Variants in ANKRD22 observed in about 807,000 individuals in gnomAD.
The protein encoded by ANKRD22 is ankyrin repeat domain-containing protein 22.
A neutral mutation model predicts 25.7 loss-of-function variants in ANKRD22; 24 were observed. The observed-to-expected ratio is 0.93, with a 90% CI of 0.68 to 1.31. ANKRD22 has a LOEUF of 1.31. Among genes scored for constraint, ANKRD22 ranks in the 50% most tolerant of loss-of-function variants. The pLI, the probability that ANKRD22 is intolerant of heterozygous loss-of-function variation, is 0.00. For missense variants in ANKRD22, 214 were observed against 227.1 expected, an observed-to-expected ratio of 0.94 and a Z score of 0.37; for synonymous variants, 84 against 84.3, an observed-to-expected ratio of 1.00 and a Z score of 0.02.
chr10:88,834,571 ATAACT>A (rs972401218), intron 1 of ANKRD22, among the ~76,000 whole-genome samples: 64 of 152,250 alleles, frequency 4.2e-4, no homozygotes, highest in African/African-American at 1.4e-3. Flanking sequence ...AAATATTTAA[ATAACT>A]TAACAACATT....
chr10:88,837,063 G>C (rs752856249), intron 1 of ANKRD22, among the ~76,000 whole-genome samples: 151 of 152,106 alleles, frequency 9.9e-4, no homozygotes, highest in Non-Finnish European at 1.1e-3. Context: ...CTTCAAAGAG[G>C]GGGGTAGCAG....
chr10:88,831,221 T>C (rs1342049433), intron 2 of ANKRD22, among the ~76,000 whole-genome samples: 1 of 152,228 alleles, frequency 6.6e-6, no homozygotes, highest in Non-Finnish European at 1.5e-5. Flanking sequence ...TCCACAAGGA[T>C]TTTCACAGCA....
At position 88,821,760 on chromosome 10, in the gene ANKRD22, A is replaced by C. The variant is rs151017451; in HGVS notation, c.*1181T>G. Among the ~76,000 whole-genome samples, 1 of 152,342 alleles carries C rather than the reference A, an allele frequency of 6.6e-6. No individual in the cohort carries two copies. The highest frequency in any genetic ancestry group is 1.9e-4 in the East Asian group (1 of 5,194). On this transcript the variant is annotated 3_prime_UTR_variant, in exon 6 of 6. Coordinates refer to ENST00000371930, the MANE Select transcript of ANKRD22 (RefSeq NM_144590.3). ...TTATACTGTACTTGTTACCACATACAAAGAGGCTGGCTTAGTTCCTGTCTG... is the reference window on the plus strand; with the variant it reads ...TTATACTGTACTTGTTACCACATACCAAGAGGCTGGCTTAGTTCCTGTCTG...
intron 1 of ANKRD22, among the ~76,000 whole-genome samples, chr10:88,835,065 A>G (rs1441862668): frequency 6.6e-6 from 1 of 152,150 alleles, no homozygotes; most frequent in African/African-American, 2.4e-5. Flanking sequence ...TCGCCATCAC[A>G]TTACACTGGT....
At position 88,821,750 on chromosome 10, in the gene ANKRD22, T is replaced by C. The variant is rs552236428; in HGVS notation, c.*1191A>G. ...TCTTTCATTCTTATACTGTACTTGT[T>C]ACCACATACAAAGAGGCTGGCTTAG... is the stretch of plus-strand genomic sequence containing the variant. On this transcript the variant is annotated 3_prime_UTR_variant, in exon 6 of 6. Coordinates refer to ENST00000371930, the MANE Select transcript of ANKRD22 (RefSeq NM_144590.3). Among the ~76,000 whole-genome samples, 2 of 152,340 alleles carry C rather than the reference T, an allele frequency of 1.3e-5. No individual in the cohort carries two copies. Among genetic ancestry groups the C allele is most frequent in the Non-Finnish European group, 2.9e-5 (2 of 68,016 alleles).
chr10:88,822,706 T>G lies in ANKRD22; in HGVS notation c.*235A>C. 2.2e-6 allele frequency: 1 copy of G among 454,170 alleles called. No homozygotes were observed. The allele number at this position is 454,170 out of a possible 1,614,324, so 28.1% of individuals were successfully genotyped here. A position where few individuals can be genotyped will look rare whatever the true frequency, so the allele number is the denominator to read the frequency against. On this transcript the variant is annotated 3_prime_UTR_variant, in exon 6 of 6. Coordinates refer to ENST00000371930, the MANE Select transcript of ANKRD22 (RefSeq NM_144590.3). Reference sequence around the variant, plus strand: ...CTGAAACATCAGTTTCTGACTGAAGTGGAGACTACAACAACTTTAGTGTTT... The same window carrying G: ...CTGAAACATCAGTTTCTGACTGAAGGGGAGACTACAACAACTTTAGTGTTT...
intron 1 of ANKRD22, among the ~76,000 whole-genome samples, chr10:88,834,187 G>A (rs1194623737): frequency 1.3e-5 from 2 of 152,066 alleles, no homozygotes; most frequent in African/African-American, 4.8e-5. Flanking sequence ...TCAAAAATAA[G>A]TAAAACAAAA....
Position 88,831,844 on chromosome 10 carries a change from G to A in ANKRD22, c.204C>T (p.Leu68=). The A allele has an allele frequency of 6.2e-7, 1 of 1,605,300 alleles. No individual in the cohort carries two copies. The highest frequency in any genetic ancestry group is 8.5e-7 in the Non-Finnish European group (1 of 1,176,888). Residue 68 remains leucine (L), a synonymous_variant, in exon 2 of 6, where the codon CTC becomes CTT. Transcript: ENST00000371930. ...FLLRRNANVN[L]KNQKERTCLH... ...CATGTCATGACCTCACCTGGTTTTT[G>A]AGGTTGACATTAGCATTTCTTCTTA...
intron 1 of ANKRD22, among the ~76,000 whole-genome samples, chr10:88,851,191 G>T (rs1265200177): frequency 6.6e-6 from 1 of 152,050 alleles, no homozygotes; most frequent in Admixed American, 6.6e-5. Context: ...TGGTCATGTG[G>T]TTCCATAAAA....
At chr10:88,823,471 G>GCT in intron 4 of ANKRD22, 93 bp from the exon 5 acceptor site, 14 of 913,206 alleles carry the variant, frequency 1.5e-5, no homozygotes, top group Non-Finnish European at 2.4e-5. Context: ...TTCACACTTT[G>GCT]TAGTATACAA....
chr10:88,851,623 G>A lies in ANKRD22; in HGVS notation c.-16C>T, dbSNP rs552240951. The A allele has an allele frequency of 9.3e-6, 15 of 1,612,928 alleles. No homozygotes were observed. The East Asian group carries it at 3.1e-4, about 34-fold the overall frequency. On this transcript the variant is annotated 5_prime_UTR_variant, in exon 1 of 6. Coordinates refer to ENST00000371930, the MANE Select transcript of ANKRD22 (RefSeq NM_144590.3). The stretch of plus-strand genomic sequence containing the variant: ...GGATTCCCATGCTGGTCCTTCACAG[G>A]CTTACTTCACCTCTACAGCTCCTTG...
At position 88,823,827 on chromosome 10, in the gene ANKRD22, C is replaced by CAAAAAAAAAAAAAAAAAAAAA. The variant is rs56194758; in HGVS notation, c.400-450_400-449insTTTTTTTTTTTTTTTTTTTTT. On this transcript the variant is annotated intron_variant, in intron 4 of 5. Coordinates refer to ENST00000371930, the MANE Select transcript of ANKRD22 (RefSeq NM_144590.3). ...TGGGCGACAGAGCGAGACTCCGTCT[C>CAAAAAAAAAAAAAAAAAAAAA]AAAAAAAAAAAAAAAAAAATTTCTT... Among the ~76,000 whole-genome samples, 66 of 103,732 alleles carry CAAAAAAAAAAAAAAAAAAAAA rather than the reference C, an allele frequency of 6.4e-4. 3 individuals are homozygous for CAAAAAAAAAAAAAAAAAAAAA. Among genetic ancestry groups the CAAAAAAAAAAAAAAAAAAAAA allele is most frequent in the Middle Eastern group, 6.1e-3 (1 of 164 alleles). The allele number at this position is 103,732 out of a possible 152,430, so 68.1% of individuals were successfully genotyped here. A position where few individuals can be genotyped will look rare whatever the true frequency, so the allele number is the denominator to read the frequency against.
chr10:88,842,106 C>A (rs1308479337), intron 1 of ANKRD22, among the ~76,000 whole-genome samples: 1 of 152,110 alleles, frequency 6.6e-6, no homozygotes, highest in Non-Finnish European at 1.5e-5. Flanking sequence ...TGGACCTAAA[C>A]AGGTATTTTA....
At chr10:88,840,096 G>A (rs1049745779) in intron 1 of ANKRD22, among the ~76,000 whole-genome samples, 1 of 152,076 alleles carries the variant, frequency 6.6e-6, no homozygotes, top group African/African-American at 2.4e-5. Context: ...TCAAAACTCT[G>A]GAATAATGGA....
chr10:88,826,819 G>C (rs962427728), intron 3 of ANKRD22, among the ~76,000 whole-genome samples: 79 of 152,200 alleles, frequency 5.2e-4, no homozygotes, highest in African/African-American at 1.7e-3. Context: ...ATGTGTTTGT[G>C]CCATTTGATT....
At chr10:88,823,085 A>G in intron 5 of ANKRD22, 67 bp from the exon 6 acceptor site, 3 of 1,485,144 alleles carry the variant, frequency 2.0e-6, no homozygotes, top group Non-Finnish European at 2.8e-6. Flanking sequence ...AGCTTAGACC[A>G]ATTGACTCTC....
Position 88,822,895 on chromosome 10 carries a change from C to A in ANKRD22, c.*46G>T. On this transcript the variant is annotated 3_prime_UTR_variant, in exon 6 of 6. Transcript: ENST00000371930. The stretch of plus-strand genomic sequence containing the variant: ...CAAAAGTCTAAAATGAAGATAGAAT[C>A]CAGTCGTTAACTTTTTCTGTATCTC... 6.5e-7 allele frequency: 1 copy of A among 1,530,022 alleles called. No individual in the cohort carries two copies. Among genetic ancestry groups the A allele is most frequent in the Non-Finnish European group, 9.0e-7 (1 of 1,107,140 alleles). 94.8% of individuals were successfully genotyped at this position (1,530,022 alleles called of 1,614,324 possible).
At position 88,841,053 on chromosome 10, in the gene ANKRD22, A is replaced by C. The variant is rs141643702; in HGVS notation, c.22-9027T>G. 6.1e-3 allele frequency among the ~76,000 whole-genome samples: 933 copies of C among 152,008 alleles called. 10 individuals are homozygous for C. Among genetic ancestry groups the C allele is most frequent in the African/African-American group, 0.021 (861 of 41,452 alleles). On this transcript the variant is annotated intron_variant, in intron 1 of 5. Coordinates refer to ENST00000371930, the MANE Select transcript of ANKRD22 (RefSeq NM_144590.3). ...GGGCACATATTGATCTATGTTTTCT[A>C]CTCTTTATCCTGAAAGGTCTGTTTG...
rs1491462149 is a variant in ANKRD22, at chr10:88,822,543, G to GTTTTTT, written c.*397_*398insAAAAAA. The GTTTTTT allele has an allele frequency of 1.0e-4, 2 of 19,724 alleles. No individual in the cohort carries two copies. Among genetic ancestry groups the GTTTTTT allele is most frequent in the Non-Finnish European group, 1.6e-4 (2 of 12,578 alleles). 1.2% of individuals were successfully genotyped at this position (19,724 alleles called of 1,614,324 possible). On this transcript the variant is annotated 3_prime_UTR_variant, in exon 6 of 6. Coordinates refer to ENST00000371930, the MANE Select transcript of ANKRD22 (RefSeq NM_144590.3). ...GAAAGACTGAGTTTGGAACACCAGGGCTTTTTTTTTTTTTTTTTTTTTTGA... is the reference window on the plus strand; with the variant it reads ...GAAAGACTGAGTTTGGAACACCAGGGTTTTTTCTTTTTTTTTTTTTTTTTTTTTTGA...
Sources: allele counts gnomAD v4.1 joint callset (sites outside exome capture counted in the v4.1 genomes callset), GRCh38; gene constraint gnomAD v4.1.1; transcripts MANE v1.5; gene names NCBI Gene and HGNC (gene_info 2026-07-23, HGNC 2026-07-21).